DCUN1D4: variants seen among roughly 807,000 people sequenced by gnomAD.
The protein encoded by DCUN1D4 is DCN1-like protein 4.
Under a neutral mutation model 47.9 loss-of-function variants are expected in DCUN1D4, and 22 were observed. The ratio of observed to expected loss-of-function variants is 0.46; its 90% CI spans 0.33 to 0.66. The LOEUF is 0.66. Ranked by LOEUF, DCUN1D4 falls within the 30% of genes least tolerant of loss-of-function variation. DCUN1D4 has a pLI of 0.02. For missense variants in DCUN1D4, 301 were observed against 340.8 expected, an observed-to-expected ratio of 0.88 and a Z score of 0.92; for synonymous variants, 121 against 112.2, an observed-to-expected ratio of 1.08 and a Z score of -0.50.
At chr4:51,843,322 C>A in intron 1 of DCUN1D4, 55 bp downstream of exon 1, 1 of 1,491,316 alleles carries the variant, frequency 6.7e-7, no homozygotes, top group South Asian at 1.3e-5. Context: ...CCAAACTCGC[C>A]ACTCGGCTCC....
chr4:51,878,232 G>GAAATTTC (rs1727990981), intron 5 of DCUN1D4, among the ~76,000 whole-genome samples: 3 of 152,198 alleles, frequency 2.0e-5, no homozygotes, highest in Middle Eastern at 3.4e-3. Flanking sequence ...TATATTAAGT[G>GAAATTTC]TTTCTATTTG....
At chr4:51,848,052 T>C (rs1363552878) in intron 1 of DCUN1D4, among the ~76,000 whole-genome samples, 1 of 152,250 alleles carries the variant, frequency 6.6e-6, no homozygotes, top group Non-Finnish European at 1.5e-5. Flanking sequence ...AACTTGTGCA[T>C]TATCTAGAAA....
At chr4:51,836,589 T>C in the DCUN1D4 span, among the ~76,000 whole-genome samples, 1 of 152,018 alleles carries the variant, frequency 6.6e-6, no homozygotes, top group African/African-American at 2.4e-5. Context: ...CAGAACGGGG[T>C]GGCTGAGGCG....
chr4:51,843,196 G>A lies in DCUN1D4; in HGVS notation c.-47G>A. The A allele has an allele frequency of 6.5e-7, 1 of 1,537,876 alleles. No homozygotes were observed. Among genetic ancestry groups the A allele is most frequent in the African/African-American group, 1.4e-5 (1 of 72,078 alleles). ...AGTGAGCTGGTGGGGGGACCGCGAG[G>A]CGAGCGCGGGAGCCTGGGCGGCGAG... On this transcript the variant is annotated 5_prime_UTR_variant, in exon 1 of 11. Coordinates refer to ENST00000334635, the MANE Select transcript of DCUN1D4 (RefSeq NM_001040402.3).
intron 8 of DCUN1D4, among the ~76,000 whole-genome samples, chr4:51,901,925 T>A (rs1441077619): frequency 6.6e-6 from 1 of 152,268 alleles, no homozygotes; most frequent in Non-Finnish European, 1.5e-5. Context: ...ATAAATTTTT[T>A]AATGAATCCT....
At chr4:51,868,853 C>G (rs552091215) in intron 3 of DCUN1D4, among the ~76,000 whole-genome samples, 1 of 152,272 alleles carries the variant, frequency 6.6e-6, no homozygotes, top group Non-Finnish European at 1.5e-5. Flanking sequence ...GGTGTGGTGG[C>G]TCACGCCTGT....
At chr4:51,876,070 T>G (rs1727623874) in intron 4 of DCUN1D4, among the ~76,000 whole-genome samples, 1 of 152,182 alleles carries the variant, frequency 6.6e-6, no homozygotes, top group African/African-American at 2.4e-5. Flanking sequence ...CATGTACTTT[T>G]TTTGGTGTTA....
chr4:51,844,544 GC>G, intron 1 of DCUN1D4: 1 of 330,822 alleles, frequency 3.0e-6, no homozygotes, highest in Non-Finnish European at 4.3e-6. Flanking sequence ...GGGGTCCCTG[GC>G]AGTCCGTGGG....
intron 5 of DCUN1D4, among the ~76,000 whole-genome samples, chr4:51,878,520 G>T (rs1490168537): frequency 2.0e-5 from 3 of 152,022 alleles, no homozygotes; most frequent in African/African-American, 7.3e-5. Flanking sequence ...CAATTTTCCT[G>T]TCATCTCCTC....
intron 1 of DCUN1D4, chr4:51,848,211 G>C (rs527388875): frequency 7.8e-7 from 1 of 1,289,216 alleles, no homozygotes; most frequent in South Asian, 1.2e-5. Flanking sequence ...GCAGATATCA[G>C]TTTTAGAGAA....
intron 8 of DCUN1D4, among the ~76,000 whole-genome samples, chr4:51,909,668 C>T (rs1331327653): frequency 6.6e-6 from 1 of 152,148 alleles, no homozygotes; most frequent in Non-Finnish European, 1.5e-5. Flanking sequence ...GAAAGGAGGT[C>T]CCACCTGTTT....
chr4:51,906,020 A>G (rs2110121891), intron 8 of DCUN1D4, among the ~76,000 whole-genome samples: 1 of 152,252 alleles, frequency 6.6e-6, no homozygotes, highest in South Asian at 2.1e-4. Flanking sequence ...GGAACGAGTG[A>G]AAGGGAAGAT....
intron 1 of DCUN1D4, among the ~76,000 whole-genome samples, chr4:51,862,426 T>C (rs561851077): frequency 7.9e-5 from 12 of 152,346 alleles, no homozygotes; most frequent in African/African-American, 2.6e-4. Flanking sequence ...ACACCTGATA[T>C]TGTAGCACCT....
chr4:51,885,518 C>T (rs566777819), intron 5 of DCUN1D4, among the ~76,000 whole-genome samples: 2 of 142,452 alleles, frequency 1.4e-5, no homozygotes, highest in African/African-American at 6.0e-5. Flanking sequence ...ATGTGAAATG[C>T]GGGAGGAGTA....
At chr4:51,901,837 A>G (rs568918107) in intron 8 of DCUN1D4, among the ~76,000 whole-genome samples, 1 of 152,336 alleles carries the variant, frequency 6.6e-6, no homozygotes, top group South Asian at 2.1e-4. Flanking sequence ...CCTTTCACAT[A>G]ACAATAAATA....
At chr4:51,838,843 G>A (rs1721560197), upstream of DCUN1D4, among the ~76,000 whole-genome samples, 1 of 152,154 alleles carries the variant, frequency 6.6e-6, no homozygotes, top group South Asian at 2.1e-4. Flanking sequence ...TGGGAACTGA[G>A]GCGGGCAGAT....
intron 1 of DCUN1D4, among the ~76,000 whole-genome samples, chr4:51,853,277 G>C (rs1418268519): frequency 6.6e-6 from 1 of 152,210 alleles, no homozygotes; most frequent in Non-Finnish European, 1.5e-5. Flanking sequence ...TTGGATCTGT[G>C]TTCAGTGAAA....
the DCUN1D4 span, among the ~76,000 whole-genome samples, chr4:51,836,824 A>T: frequency 1.3e-5 from 2 of 152,240 alleles, no homozygotes; most frequent in East Asian, 3.9e-4. Flanking sequence ...ACTTTGCCAT[A>T]ATGAGATGCT....
rs149452707 is a variant in DCUN1D4 at position 51,887,493 on chromosome 4, G to A, written c.414+855G>A. ...ATTATTTTTGCCTAATTCTTAGCATGTTATTGTTGAATATTTTTTCTGTTC... is the reference window on the plus strand; with the variant it reads ...ATTATTTTTGCCTAATTCTTAGCATATTATTGTTGAATATTTTTTCTGTTC... On this transcript the variant is annotated intron_variant, in intron 6 of 10. Coordinates refer to ENST00000334635, the MANE Select transcript of DCUN1D4 (RefSeq NM_001040402.3). Among the ~76,000 whole-genome samples, 97 of 152,314 alleles carry A rather than the reference G, an allele frequency of 6.4e-4. 1 individual carries two copies. The Middle Eastern group carries it at 0.014, about 21-fold the overall frequency.
Sources: allele counts gnomAD v4.1 joint callset (sites outside exome capture counted in the v4.1 genomes callset), GRCh38; gene constraint gnomAD v4.1.1; transcripts MANE v1.5; gene names NCBI Gene and HGNC (gene_info 2026-07-23, HGNC 2026-07-21).